Variants in COLEC12 observed in about 807,000 individuals in gnomAD.
COLEC12 encodes the protein collectin-12.
Under a neutral mutation model 71.1 loss-of-function variants are expected in COLEC12, and 33 were observed. That is an observed-to-expected ratio of 0.46 (90% CI 0.35 to 0.62). COLEC12 has a LOEUF of 0.62. Among genes scored for constraint, COLEC12 ranks in the 20% least tolerant of loss-of-function variants. The probability of loss-of-function intolerance (pLI) is 0.00; values close to 1 mark genes in which losing one functional copy is unlikely to be tolerated. For missense variants in COLEC12, 765 were observed against 916.1 expected, an observed-to-expected ratio of 0.84 and a Z score of 2.13; for synonymous variants, 350 against 353.0, an observed-to-expected ratio of 0.99 and a Z score of 0.10.
At chr18:499,997 T>G (rs866332110) in intron 1 of COLEC12, among the ~76,000 whole-genome samples, 71 of 152,324 alleles carry the variant, frequency 4.7e-4, no homozygotes, top group African/African-American at 1.6e-3. Flanking sequence ...CTCGGGCACC[T>G]AATCATTGCC....
rs762121527 is a variant in COLEC12 at position 346,388 on chromosome 18, T to C, written c.1234A>G (p.Thr412Ala). ...ATCACTGATAAGTTGGCTACTTCAG[T>C]GTCTAACCTCGACCTCATCAAATCT... Reference protein sequence around the residue: ...QQDLMRSRLDTEVANLSVIME... With the variant: ...QQDLMRSRLDAEVANLSVIME... The change falls in exon 5 of 10, where the codon ACT (threonine) becomes GCT (alanine). Residue 412 changes from threonine to alanine, a missense_variant. Thr to Ala is a moderately conservative substitution (Grantham distance 58, BLOSUM62 0). Coordinates refer to ENST00000400256, the MANE Select transcript of COLEC12 (RefSeq NM_130386.3). The surrounding 1 kb of genome is among the most constrained non-coding windows in gnomAD (Gnocchi z 4.0). 1 of 1,614,012 alleles carries C rather than the reference T, an allele frequency of 6.2e-7. No homozygotes were observed. Among genetic ancestry groups the C allele is most frequent in the Non-Finnish European group, 8.5e-7 (1 of 1,179,986 alleles).
chr18:443,240 T>C (rs911628418), intron 2 of COLEC12, among the ~76,000 whole-genome samples: 1 of 152,242 alleles, frequency 6.6e-6, no homozygotes, highest in Non-Finnish European at 1.5e-5. Flanking sequence ...TAAAACATAG[T>C]ATGTACTTGA....
Position 348,138 on chromosome 18 carries a change from T to C in COLEC12, c.207A>G (p.Thr69=). Residue 69 remains threonine, a synonymous_variant, in exon 4 of 10, where the codon ACA becomes ACG. Transcript: ENST00000400256. The part of the protein sequence containing the change: ...YKVVEKMDNV[T]GGMETSRQTY... ...TTTGGCGAGATGTTTCCATGCCACC[T>C]GTGACATTGTCCATTTTCTCTACAA... is the stretch of plus-strand genomic sequence containing the variant. 6.2e-7 allele frequency: 1 copy of C among 1,613,354 alleles called. No homozygotes were observed. The highest frequency in any genetic ancestry group is 8.5e-7 in the Non-Finnish European group (1 of 1,179,300).
chr18:446,712 A>T (rs964211410), intron 2 of COLEC12, among the ~76,000 whole-genome samples: 10 of 152,092 alleles, frequency 6.6e-5, no homozygotes, highest in Non-Finnish European at 1.5e-4. Context: ...GTCTTATTAA[A>T]ACAAGTCCAG....
At position 368,686 on chromosome 18, in the gene COLEC12, A is replaced by C. The variant is rs548172151; in HGVS notation, c.59-11164T>G. Among the ~76,000 whole-genome samples the C allele has an allele frequency of 1.2e-3, 182 of 151,110 alleles. 1 individual carries two copies. The highest frequency in any genetic ancestry group is 1.7e-3 in the Non-Finnish European group (113 of 67,880). Reference sequence around the variant, plus strand: ...GAGACCAGCCTGGCTAACATGGTGAAACCCCGTCTCCACTAAAAAATACAA... The same window carrying C: ...GAGACCAGCCTGGCTAACATGGTGACACCCCGTCTCCACTAAAAAATACAA... On this transcript the variant is annotated intron_variant, in intron 2 of 9. Coordinates refer to ENST00000400256, the MANE Select transcript of COLEC12 (RefSeq NM_130386.3).
rs2143512711 is a variant in COLEC12, at chr18:362,502, A to C, written c.59-4980T>G. Among the ~76,000 whole-genome samples the C allele has an allele frequency of 6.6e-6, 1 of 151,674 alleles. No individual in the cohort carries two copies. Among genetic ancestry groups the C allele is most frequent in the South Asian group, 2.1e-4 (1 of 4,802 alleles). On this transcript the variant is annotated intron_variant, in intron 2 of 9. Coordinates refer to ENST00000400256, the MANE Select transcript of COLEC12 (RefSeq NM_130386.3). This position sits in a 1 kb window ranked among gnomAD's most constrained non-coding sequence, Gnocchi z 4.6. ...GGTTACAAAATAACATTCAAGAGAG[A>C]TATCCCCCTGTTACCAGCCTTTGTA...
At chr18:422,817 A>T (rs1916124244) in intron 2 of COLEC12, among the ~76,000 whole-genome samples, 1 of 152,192 alleles carries the variant, frequency 6.6e-6, no homozygotes, top group Admixed American at 6.5e-5. Flanking sequence ...AAAACGTGTA[A>T]GTTATTAAAA....
intron 2 of COLEC12, among the ~76,000 whole-genome samples, chr18:402,941 T>C (rs1036178079): frequency 6.6e-6 from 1 of 152,168 alleles, no homozygotes; most frequent in Non-Finnish European, 1.5e-5. Context: ...AAAAGGGGTT[T>C]TCAACTTCCT....
At chr18:471,338 CTT>C (rs916308812) in intron 2 of COLEC12, among the ~76,000 whole-genome samples, 3 of 145,396 alleles carry the variant, frequency 2.1e-5, no homozygotes. Flanking sequence ...CATTTTTTTT[CTT>C]TTTTTTTTTA....
chr18:343,720 C>T (rs1264801271), intron 5 of COLEC12, among the ~76,000 whole-genome samples: 1 of 152,174 alleles, frequency 6.6e-6, no homozygotes, highest in Non-Finnish European at 1.5e-5. Flanking sequence ...ACCAGACGGC[C>T]TGGGCTCGGA....
chr18:442,667 A>C (rs1916565149), intron 2 of COLEC12, among the ~76,000 whole-genome samples: 1 of 152,250 alleles, frequency 6.6e-6, no homozygotes, highest in Admixed American at 6.5e-5. Context: ...CATCTGTCTA[A>C]AAGCTGCAAG....
rs182162675 is a variant in COLEC12 at position 319,824 on chromosome 18, T to C, written c.*221A>G. The C allele has an allele frequency of 1.8e-4, 102 of 567,568 alleles. No individual in the cohort carries two copies. The highest frequency in any genetic ancestry group is 9.4e-4 in the Middle Eastern group (2 of 2,118). 35.2% of individuals were successfully genotyped at this position (567,568 alleles called of 1,614,324 possible). ...AGGAGAATCTATGTGATTCAGTCCA[T>C]GTGCACAATGAAAATCAGCATATCA... On this transcript the variant is annotated 3_prime_UTR_variant, in exon 10 of 10. Coordinates refer to ENST00000400256, the MANE Select transcript of COLEC12 (RefSeq NM_130386.3).
At chr18:378,258 A>G (rs1915155206) in intron 2 of COLEC12, among the ~76,000 whole-genome samples, 2 of 152,148 alleles carry the variant, frequency 1.3e-5, no homozygotes, top group African/African-American at 4.8e-5. Flanking sequence ...CTCTTCCTGG[A>G]GGGCACCCTG....
chr18:500,211 G>T lies in COLEC12; in HGVS notation c.7+297C>A, dbSNP rs1055831730. On this transcript the variant is annotated intron_variant, in intron 1 of 9. Transcript: ENST00000400256. This position sits in a 1 kb window ranked among gnomAD's most constrained non-coding sequence, Gnocchi z 5.3. ...CTCGGCAGGTTTTTTCAATTAAAAAGTTGGAAACGGGAATCCGTAAACAAC... is the reference window on the plus strand; with the variant it reads ...CTCGGCAGGTTTTTTCAATTAAAAATTTGGAAACGGGAATCCGTAAACAAC... Among the ~76,000 whole-genome samples, 13 of 152,346 alleles carry T rather than the reference G, an allele frequency of 8.5e-5. No individual in the cohort carries two copies. The highest frequency in any genetic ancestry group is 3.4e-3 in the Middle Eastern group (1 of 294).
chr18:422,147 T>G (rs1916111208), intron 2 of COLEC12, among the ~76,000 whole-genome samples: 1 of 152,200 alleles, frequency 6.6e-6, no homozygotes, highest in African/African-American at 2.4e-5. Flanking sequence ...GCCAGGTGAT[T>G]TGTCCCTTTT....
intron 2 of COLEC12, among the ~76,000 whole-genome samples, chr18:436,051 T>C (rs1916397124): frequency 6.6e-6 from 1 of 152,240 alleles, no homozygotes; most frequent in African/African-American, 2.4e-5. Context: ...GTCAGCCACA[T>C]TATTGCTACA....
intron 2 of COLEC12, among the ~76,000 whole-genome samples, chr18:475,824 TTA>T (rs1917292683): frequency 1.3e-5 from 2 of 152,178 alleles, no homozygotes; most frequent in South Asian, 4.1e-4. Context: ...TTCCATGTGT[TTA>T]TCTCTTTGGA....
intron 2 of COLEC12, among the ~76,000 whole-genome samples, chr18:466,503 G>A (rs1018130842): frequency 6.6e-6 from 1 of 152,198 alleles, no homozygotes; most frequent in South Asian, 2.1e-4. Flanking sequence ...TCTAGGCTCT[G>A]TCTCCCCAGA....
rs1917444685 is a variant in COLEC12, at chr18:482,637, A to AT, written c.8-1881dup. Among the ~76,000 whole-genome samples, 15 of 151,818 alleles carry AT rather than the reference A, an allele frequency of 9.9e-5. 1 individual carries two copies. The South Asian group carries it at 3.1e-3, about 32-fold the overall frequency. ...ACTTTCTTTTGTTTTTTGAGATAGA[A>AT]TTTTGTTCTTGTCGCCCAGGCTGGA... is the stretch of plus-strand genomic sequence containing the variant. On this transcript the variant is annotated intron_variant, in intron 1 of 9. Coordinates refer to ENST00000400256, the MANE Select transcript of COLEC12 (RefSeq NM_130386.3).
Sources: gnomAD v4.1 joint callset for allele counts (sites outside exome capture counted in the v4.1 genomes callset) on GRCh38, gnomAD v4.1.1 for gene constraint, Gnocchi (gnomAD v3.1) non-coding constraint, MANE v1.5 for transcripts, NCBI Gene and HGNC (gene_info 2026-07-23, HGNC 2026-07-21) for gene names.